The following SH3GLB1 variants were observed in gnomAD, a reference collection of about 807,000 sequenced individuals.
The protein encoded by SH3GLB1 is endophilin-B1.
In SH3GLB1, 17 loss-of-function variants were observed where a neutral mutation model predicts 42.0. That is an observed-to-expected ratio of 0.40 (90% CI 0.28 to 0.61). The LOEUF (loss-of-function observed/expected upper bound fraction) is 0.61, where lower values mean the gene tolerates loss of function less well. Ranked by LOEUF, SH3GLB1 falls within the 20% of genes least tolerant of loss-of-function variation. The probability of loss-of-function intolerance (pLI) is 0.36; values close to 1 mark genes in which losing one functional copy is unlikely to be tolerated. For synonymous variants in SH3GLB1, 132 were observed against 146.6 expected (o/e 0.90, Z 0.72); for missense variants, 355 against 426.3 (o/e 0.83, Z 1.47).
At chr1:86,724,914 A>ATATATATATATATATAT in intron 5 of SH3GLB1, among the ~76,000 whole-genome samples, 1 of 119,932 alleles carries the variant, frequency 8.3e-6, no homozygotes, top group East Asian at 2.2e-4. Flanking sequence ...TATATATATA[A>ATATATATATATATATAT]AATATATAAT....
intron 7 of SH3GLB1, 137 bp from the exon 8 acceptor site, chr1:86,742,071 G>C: frequency 1.6e-6 from 1 of 623,828 alleles, no homozygotes; most frequent in Non-Finnish European, 2.8e-6. Flanking sequence ...GATATACTTT[G>C]TCATTAACGT....
At position 86,746,342 on chromosome 1, in the gene SH3GLB1, C is replaced by T. The variant is rs1656294808; in HGVS notation, c.*3107C>T. 6.6e-6 allele frequency: 1 copy of T among 152,236 alleles called. No homozygotes were observed. The allele number at this position is 152,236 out of a possible 1,614,324, so 9.4% of individuals were successfully genotyped here. On this transcript the variant is annotated 3_prime_UTR_variant, in exon 9 of 9. Transcript: ENST00000370558. ...ATGCTGACAGAATTCCAGAAAAATT[C>T]CTTCCCTATCTCCCAAACACCTGAA...
chr1:86,735,361 C>T (rs528024064), intron 7 of SH3GLB1, among the ~76,000 whole-genome samples, 182 bp downstream of exon 7: 45 of 152,150 alleles, frequency 3.0e-4, no homozygotes, highest in African/African-American at 1.1e-3. Flanking sequence ...GCTTTTCTGG[C>T]ACAGAGGCAT....
Position 86,742,193 on chromosome 1 carries a change from C to T in SH3GLB1, c.762-15C>T. On this transcript the variant is annotated splice_polypyrimidine_tract_variant and intron_variant, in intron 7 of 8. Transcript: ENST00000370558. ...TCACTTGGAAATAAATAATTCGCTG[C>T]TTTCTTTTCAACAGTTTTCCATCCA... is the stretch of plus-strand genomic sequence containing the variant. 1 of 1,601,454 alleles carries T rather than the reference C, an allele frequency of 6.2e-7. No individual in the cohort carries two copies. Among genetic ancestry groups the T allele is most frequent in the Non-Finnish European group, 8.6e-7 (1 of 1,168,680 alleles).
At chr1:86,738,987 ATAGT>A (rs537894410) in intron 7 of SH3GLB1, among the ~76,000 whole-genome samples, 1 of 152,216 alleles carries the variant, frequency 6.6e-6, no homozygotes, top group African/African-American at 2.4e-5. Context: ...GGAGTTGTAG[ATAGT>A]TAAAATGGGG....
At chr1:86,740,628 A>G (rs1160755846) in intron 7 of SH3GLB1, among the ~76,000 whole-genome samples, 1 of 152,204 alleles carries the variant, frequency 6.6e-6, no homozygotes, top group Non-Finnish European at 1.5e-5. Context: ...ATGGGATAGT[A>G]GAAACTATTA....
At position 86,715,621 on chromosome 1, in the gene SH3GLB1, A is replaced by T. The variant is rs964852938; in HGVS notation, c.73-103A>T. The T allele has an allele frequency of 5.3e-6, 6 of 1,136,320 alleles. No individual in the cohort carries two copies. In the African/African-American group the frequency reaches 9.5e-5, roughly 18 times the overall value. 70.4% of individuals were successfully genotyped at this position (1,136,320 alleles called of 1,614,324 possible). A position where few individuals can be genotyped will look rare whatever the true frequency, so the allele number is the denominator to read the frequency against. On this transcript the variant is annotated intron_variant, in intron 1 of 8. Coordinates refer to ENST00000370558, the MANE Select transcript of SH3GLB1 (RefSeq NM_016009.5). Reference sequence around the variant, plus strand: ...ACAAAGCTGGAGCATGGTTATTTGTATGTTTAGGATTGTTTAGCTTTGAAT... The same window carrying T: ...ACAAAGCTGGAGCATGGTTATTTGTTTGTTTAGGATTGTTTAGCTTTGAAT...
rs1654968955 is a variant in SH3GLB1 at position 86,723,237 on chromosome 1, C to T, written c.477+564C>T. 3.3e-5 allele frequency among the ~76,000 whole-genome samples: 5 copies of T among 152,120 alleles called. No individual in the cohort carries two copies. In the South Asian group the frequency reaches 8.3e-4, roughly 25 times the overall value. On this transcript the variant is annotated intron_variant, in intron 4 of 8. Coordinates refer to ENST00000370558, the MANE Select transcript of SH3GLB1 (RefSeq NM_016009.5). ...GATTTAAAAGATATTAGCAGCCGGG[C>T]GTGATGGCTAACGCCTGTAATCCTA...
intron 2 of SH3GLB1, among the ~76,000 whole-genome samples, chr1:86,719,147 G>A (rs972640930): frequency 3.3e-5 from 5 of 152,164 alleles, no homozygotes; most frequent in African/African-American, 1.2e-4. Context: ...AATTATGAAT[G>A]TACATTCAGA....
chr1:86,745,942 A>G lies in SH3GLB1; in HGVS notation c.*2707A>G, dbSNP rs1656279057. ...AACTAAAATAATTGTAGGCTCTTCT[A>G]TAAATGAAAAAAAAAGTGATTGGAT... On this transcript the variant is annotated 3_prime_UTR_variant, in exon 9 of 9. Transcript: ENST00000370558. The G allele has an allele frequency of 6.6e-6, 1 of 152,656 alleles. No homozygotes were observed. The highest frequency in any genetic ancestry group is 6.5e-5 in the Admixed American group (1 of 15,286). The allele number at this position is 152,656 out of a possible 1,614,324, so 9.5% of individuals were successfully genotyped here. A position where few individuals can be genotyped will look rare whatever the true frequency, so the allele number is the denominator to read the frequency against.
At chr1:86,725,183 T>TTG (rs1405964488) in intron 5 of SH3GLB1, among the ~76,000 whole-genome samples, 1 of 151,438 alleles carries the variant, frequency 6.6e-6, no homozygotes, top group Non-Finnish European at 1.5e-5. Flanking sequence ...TTGAGAATAC[T>TTG]TGTGTGTGAC....
At chr1:86,724,866 C>T in intron 5 of SH3GLB1, among the ~76,000 whole-genome samples, 1 of 102,544 alleles carries the variant, frequency 9.8e-6, no homozygotes, top group Non-Finnish European at 1.8e-5. Context: ...AGAGCCAGAC[C>T]CTGTCTTTAA....
At chr1:86,730,347 GT>G (rs1165657709) in intron 5 of SH3GLB1, 1 of 985,224 alleles carries the variant, frequency 1.0e-6, no homozygotes, top group African/African-American at 1.7e-5. Context: ...TTGGATACCT[GT>G]TATACTAAGT....
chr1:86,724,414 A>G lies in SH3GLB1; in HGVS notation c.570+9A>G, dbSNP rs1570268684. 6.6e-7 allele frequency: 1 copy of G among 1,508,684 alleles called. No homozygotes were observed. Among genetic ancestry groups the G allele is most frequent in the East Asian group, 2.3e-5 (1 of 43,626 alleles). 93.5% of individuals were successfully genotyped at this position (1,508,684 alleles called of 1,614,324 possible). On this transcript the variant is annotated intron_variant, in intron 5 of 8. Transcript: ENST00000370558. ...CAGAAACTAGAAATTCAGTAAGTAA[A>G]TAGAAAAATATTTTTGATTAATAAC...
intron 5 of SH3GLB1, 120 bp downstream of exon 5, chr1:86,724,525 A>G: frequency 1.3e-6 from 1 of 778,526 alleles, no homozygotes; most frequent in Middle Eastern, 3.9e-4. Context: ...CTTTCTAAAC[A>G]AATTTATCAG....
At chr1:86,716,304 T>G (rs1200502194) in intron 2 of SH3GLB1, among the ~76,000 whole-genome samples, 1 of 152,190 alleles carries the variant, frequency 6.6e-6, no homozygotes, top group Non-Finnish European at 1.5e-5. Context: ...AGACAGAGTC[T>G]CGCCCTGTCG....
intron 5 of SH3GLB1, among the ~76,000 whole-genome samples, chr1:86,724,888 A>ATATATATATATATATATATAT (rs1428217607): frequency 1.0e-5 from 1 of 99,488 alleles, no homozygotes; most frequent in African/African-American, 4.7e-5. Context: ...AAAAAAAAAA[A>ATATATATATATATATATATAT]AAAAATATAT....
At position 86,746,474 on chromosome 1, in the gene SH3GLB1, C is replaced by T. The variant is rs1160443320; in HGVS notation, c.*3239C>T. On this transcript the variant is annotated 3_prime_UTR_variant, in exon 9 of 9. Coordinates refer to ENST00000370558, the MANE Select transcript of SH3GLB1 (RefSeq NM_016009.5). Reference sequence around the variant, plus strand: ...TATAGCCAACTTTGCCTCAAGACCTCCAGATAAGATGAAGTGGCTTTTACC... The same window carrying T: ...TATAGCCAACTTTGCCTCAAGACCTTCAGATAAGATGAAGTGGCTTTTACC... 2 of 152,322 alleles carry T rather than the reference C, an allele frequency of 1.3e-5. No individual in the cohort carries two copies. The highest frequency in any genetic ancestry group is 6.5e-5 in the Admixed American group (1 of 15,282). 9.4% of individuals were successfully genotyped at this position (152,322 alleles called of 1,614,324 possible).
chr1:86,730,226 T>G (rs1413130410), intron 5 of SH3GLB1: 2 of 1,425,018 alleles, frequency 1.4e-6, no homozygotes, highest in East Asian at 2.6e-5. Context: ...TTAGTATACC[T>G]TATAAAATCT....
Sources: gnomAD v4.1 joint callset for allele counts (sites outside exome capture counted in the v4.1 genomes callset) on GRCh38, gnomAD v4.1.1 for gene constraint, MANE v1.5 for transcripts, NCBI Gene and HGNC (gene_info 2026-07-23, HGNC 2026-07-21) for gene names.